Variants in RANBP2 observed in about 807,000 individuals in gnomAD.
RANBP2 encodes the protein RAN binding protein 2.
RANBP2 carries 57 observed loss-of-function variants against 303.6 expected under a neutral mutation model. The observed-to-expected ratio is 0.19, with a 90% CI of 0.15 to 0.23. The LOEUF is 0.23. RANBP2 is among the 10% of genes least tolerant of loss of function. The pLI, the probability that RANBP2 is intolerant of heterozygous loss-of-function variation, is 1.00. For missense variants in RANBP2, 3,138 were observed against 3,780.8 expected, an observed-to-expected ratio of 0.83 and a Z score of 4.46; for synonymous variants, 1,167 against 1,301.5, an observed-to-expected ratio of 0.90 and a Z score of 2.23.
chr2:109,646,636 C>T, the RANBP2 span, among the ~76,000 whole-genome samples: 6 of 150,394 alleles, frequency 4.0e-5, no homozygotes, highest in Admixed American at 2.0e-4. Flanking sequence ...GGATTACAGG[C>T]GACTGCCACC....
chr2:109,025,631 C>T, the RANBP2 span, among the ~76,000 whole-genome samples: 1 of 151,934 alleles, frequency 6.6e-6, no homozygotes, highest in East Asian at 1.9e-4. Flanking sequence ...CACGGTGAAA[C>T]CCCGTCTCTA....
chr2:108,905,645 A>G, the RANBP2 span, among the ~76,000 whole-genome samples: 2 of 152,196 alleles, frequency 1.3e-5, no homozygotes, highest in Non-Finnish European at 2.9e-5. Flanking sequence ...CAGCGAGTCC[A>G]GCAGCAGGAA....
At chr2:109,574,443 T>TTAA in the RANBP2 span, 7 of 271,398 alleles carry the variant, frequency 2.6e-5, no homozygotes, top group Non-Finnish European at 4.0e-5. Context: ...ACTTTATCTC[T>TTAA]AAAAAAAAAA....
the RANBP2 span, among the ~76,000 whole-genome samples, chr2:108,923,132 A>T: frequency 6.6e-6 from 1 of 152,164 alleles, no homozygotes; most frequent in African/African-American, 2.4e-5. Context: ...GTGACTTGTC[A>T]GGTAGCTGGT....
chr2:109,596,374 T>C, the RANBP2 span, among the ~76,000 whole-genome samples: 9 of 152,052 alleles, frequency 5.9e-5, no homozygotes, highest in African/African-American at 2.2e-4. Context: ...TTCCAGCAGT[T>C]TGGGAGGCCG....
chr2:109,572,609 CT>C, the RANBP2 span, among the ~76,000 whole-genome samples: 4,615 of 111,078 alleles, frequency 0.042, 81 homozygotes, highest in African/African-American at 0.16. Context: ...TTTAAAACAA[CT>C]TTTTTTTTTT....
At chr2:109,743,328 A>G in the RANBP2 span, among the ~76,000 whole-genome samples, 5 of 149,180 alleles carry the variant, frequency 3.4e-5, no homozygotes, top group Admixed American at 6.7e-5. Context: ...TTAACTCAAA[A>G]TGTATCAATG....
the RANBP2 span, among the ~76,000 whole-genome samples, chr2:109,216,222 C>T: frequency 6.6e-6 from 1 of 152,188 alleles, no homozygotes; most frequent in African/African-American, 2.4e-5. Flanking sequence ...CTACTGTTGC[C>T]TCCCTGCCTG....
chr2:109,152,555 A>T, the RANBP2 span, among the ~76,000 whole-genome samples: 2 of 152,214 alleles, frequency 1.3e-5, no homozygotes, highest in Admixed American at 1.3e-4. Context: ...ACTGCATGGA[A>T]ATTGGATTTT....
At chr2:109,560,049 T>C in the RANBP2 span, among the ~76,000 whole-genome samples, 1 of 151,512 alleles carries the variant, frequency 6.6e-6, no homozygotes, top group Non-Finnish European at 1.5e-5. Flanking sequence ...GCCTCCCAAG[T>C]AGCCGGGACT....
the RANBP2 span, among the ~76,000 whole-genome samples, chr2:109,699,497 G>A: frequency 7.9e-5 from 12 of 152,216 alleles, no homozygotes; most frequent in Admixed American, 2.6e-4. Flanking sequence ...TGTGTCATAT[G>A]TGTTTTATAC....
rs1677249785 is a variant in RANBP2, at chr2:108,768,254, T to C, written c.7715T>C (p.Val2572Ala). The change falls in exon 20 of 29, where the codon GTG (valine) becomes GCG (alanine). Residue 2572 changes from valine (V) to alanine (A), a missense_variant. Val to Ala is a moderately conservative substitution (Grantham distance 64). Transcript: ENST00000283195. ...GCCCAGAGTGGATCTGAAAGCAAAG[T>C]GGAACCTAAAAAATGTGAACTGTCA... ...SVAQSGSESK[V>A]EPKKCELSKN... 14 of 1,612,000 alleles carry C rather than the reference T, an allele frequency of 8.7e-6. No homozygotes were observed. In the African/African-American group the frequency reaches 1.1e-4, roughly 12 times the overall value.
At chr2:109,396,989 G>T in the RANBP2 span, among the ~76,000 whole-genome samples, 1 of 152,294 alleles carries the variant, frequency 6.6e-6, no homozygotes, top group East Asian at 1.9e-4. Flanking sequence ...TCCCATGAAG[G>T]CTTCAGAATG....
rs548882665 is a variant in RANBP2, at chr2:108,739,295, C to T, written c.783-1194C>T. On this transcript the variant is annotated intron_variant, in intron 6 of 28. Transcript: ENST00000283195. Reference sequence around the variant, plus strand: ...GCACGCACTTACAGTCCCAGCTGCTCGGGAGGCTGAGGCAGAAGAATCGCT... The same window carrying T: ...GCACGCACTTACAGTCCCAGCTGCTTGGGAGGCTGAGGCAGAAGAATCGCT... 8.5e-5 allele frequency among the ~76,000 whole-genome samples: 13 copies of T among 152,110 alleles called. No individual in the cohort carries two copies. In the East Asian group the frequency reaches 1.8e-3, roughly 21 times the overall value.
the RANBP2 span, among the ~76,000 whole-genome samples, chr2:109,360,296 A>G: frequency 1.3e-5 from 2 of 152,230 alleles, no homozygotes; most frequent in African/African-American, 4.8e-5. Flanking sequence ...TTGTAAGAAA[A>G]TGATTGCTTA....
the RANBP2 span, among the ~76,000 whole-genome samples, chr2:109,138,022 A>G: frequency 6.6e-6 from 1 of 151,854 alleles, no homozygotes; most frequent in East Asian, 1.9e-4. Flanking sequence ...GCAGATCAAA[A>G]TTTCTTTTTT....
At chr2:109,008,916 G>C in the RANBP2 span, among the ~76,000 whole-genome samples, 8 of 148,804 alleles carry the variant, frequency 5.4e-5, no homozygotes, top group South Asian at 6.4e-4. Context: ...AAAAAGAAAA[G>C]AAAAGAAAAG....
chr2:109,518,331 CCAT>C, the RANBP2 span, among the ~76,000 whole-genome samples: 1 of 152,212 alleles, frequency 6.6e-6, no homozygotes, highest in Non-Finnish European at 1.5e-5. Flanking sequence ...GCCCTTTACT[CCAT>C]CATCTCACTT....
At chr2:109,277,100 C>T in the RANBP2 span, among the ~76,000 whole-genome samples, 2 of 152,218 alleles carry the variant, frequency 1.3e-5, no homozygotes, top group Non-Finnish European at 2.9e-5. Context: ...GGTCCCTCAA[C>T]TGTCCAGAGC....
Sources: allele counts gnomAD v4.1 joint callset (sites outside exome capture counted in the v4.1 genomes callset), GRCh38; gene constraint gnomAD v4.1.1; transcripts MANE v1.5; gene names NCBI Gene and HGNC (gene_info 2026-07-23, HGNC 2026-07-21).